The following CDH4 variants were observed in gnomAD, a reference collection of about 807,000 sequenced individuals.
CDH4 encodes the protein cadherin 4.
A neutral mutation model predicts 86.0 loss-of-function variants in CDH4; 33 were observed. That is an observed-to-expected ratio of 0.38 (90% CI 0.29 to 0.51). The LOEUF is 0.51. Among genes scored for constraint, CDH4 ranks in the 20% least tolerant of loss-of-function variants. The probability of loss-of-function intolerance (pLI) is 0.86; values close to 1 mark genes in which losing one functional copy is unlikely to be tolerated. For missense variants in CDH4, 1,114 were observed against 1,307.4 expected, an observed-to-expected ratio of 0.85 and a Z score of 2.28; for synonymous variants, 555 against 549.4, an observed-to-expected ratio of 1.01 and a Z score of -0.14.
chr20:61,814,538 A>G (rs949507517), intron 4 of CDH4, among the ~76,000 whole-genome samples: 2 of 152,240 alleles, frequency 1.3e-5, no homozygotes, highest in South Asian at 2.1e-4. Flanking sequence ...AAGAGATGGA[A>G]GGCAGAGCTC....
intron 2 of CDH4, among the ~76,000 whole-genome samples, chr20:61,376,418 G>A (rs1191771399): frequency 2.0e-5 from 3 of 152,122 alleles, no homozygotes; most frequent in African/African-American, 7.2e-5. Context: ...GGCCAGGCCT[G>A]GGAAGGGAGA....
chr20:61,291,916 G>GC (rs1254584380), intron 2 of CDH4, among the ~76,000 whole-genome samples: 3 of 151,690 alleles, frequency 2.0e-5, no homozygotes, highest in Admixed American at 1.3e-4. Flanking sequence ...TGCTCAAGTA[G>GC]CCCCCCGTGT....
chr20:61,300,884 G>A (rs886572805), intron 2 of CDH4, among the ~76,000 whole-genome samples: 1 of 152,174 alleles, frequency 6.6e-6, no homozygotes, highest in African/African-American at 2.4e-5. Context: ...CCTTCCTTTT[G>A]GAGCAGTTCA....
chr20:61,803,715 C>T (rs12480201), intron 4 of CDH4, among the ~76,000 whole-genome samples: 25,779 of 152,238 alleles, frequency 0.17, 2,498 homozygotes, highest in East Asian at 0.24. Flanking sequence ...AGGAAACGTT[C>T]AACTGTGTGC....
At position 61,553,112 on chromosome 20, in the gene CDH4, A is replaced by T. The variant is rs1430256576; in HGVS notation, c.170-190451A>T. ...GTGGAATATTCAGCCATATAAAGGA[A>T]TGAAGTCCGTATGCAAGCTACAACA... On this transcript the variant is annotated intron_variant, in intron 2 of 15. Transcript: ENST00000614565. Among the ~76,000 whole-genome samples the T allele has an allele frequency of 3.9e-5, 6 of 152,360 alleles. No homozygotes were observed. The East Asian group carries it at 9.6e-4, about 24-fold the overall frequency.
At chr20:61,859,052 G>A (rs1396628234) in intron 6 of CDH4, among the ~76,000 whole-genome samples, 4 of 152,192 alleles carry the variant, frequency 2.6e-5, no homozygotes, top group East Asian at 1.9e-4. Context: ...CCGGATTCTC[G>A]GCATCCTCAC....
intron 2 of CDH4, among the ~76,000 whole-genome samples, chr20:61,700,899 C>T (rs562534223): frequency 5.1e-4 from 78 of 152,332 alleles, no homozygotes; most frequent in African/African-American, 1.8e-3. Context: ...AAGGGAACGG[C>T]GGCTCCCCCC....
intron 2 of CDH4, among the ~76,000 whole-genome samples, chr20:61,329,897 G>GTTC (rs56995809): frequency 0.6 from 87,420 of 146,796 alleles, 25,992 homozygotes; most frequent in Middle Eastern, 0.75. Context: ...CTCCCTGTGA[G>GTTC]TCATTATTCA....
Position 61,883,514 on chromosome 20 carries a change from C to T in CDH4, c.1050+9614C>T, listed in dbSNP as rs151282373. Among the ~76,000 whole-genome samples the T allele has an allele frequency of 4.8e-3, 731 of 152,320 alleles. 6 individuals carry two copies. The highest frequency in any genetic ancestry group is 0.016 in the African/African-American group (684 of 41,566). On this transcript the variant is annotated intron_variant, in intron 7 of 15. Transcript: ENST00000614565. ...CCCACAGCAGAGAACGACCCAGCCC[C>T]AGGGCTGACAGTGCCCAATTTGGGA... is the stretch of plus-strand genomic sequence containing the variant.
At chr20:61,739,814 C>T (rs2088311457) in intron 2 of CDH4, among the ~76,000 whole-genome samples, 1 of 152,240 alleles carries the variant, frequency 6.6e-6, no homozygotes, top group African/African-American at 2.4e-5. Flanking sequence ...CACAGGACTC[C>T]AAGCGCCCAC....
chr20:61,463,848 G>A (rs2085458282), intron 2 of CDH4, among the ~76,000 whole-genome samples: 1 of 152,176 alleles, frequency 6.6e-6, no homozygotes, highest in African/African-American at 2.4e-5. Context: ...AAGGAAGGTG[G>A]TTTGTGATTA....
chr20:61,854,272 G>A (rs1196724546), intron 6 of CDH4, among the ~76,000 whole-genome samples: 1 of 152,196 alleles, frequency 6.6e-6, no homozygotes, highest in Non-Finnish European at 1.5e-5. Context: ...TCCCAGCTCT[G>A]GGACTGGAAG....
At chr20:61,702,641 A>G (rs1489700963) in intron 2 of CDH4, among the ~76,000 whole-genome samples, 1 of 152,156 alleles carries the variant, frequency 6.6e-6, no homozygotes, top group Non-Finnish European at 1.5e-5. Flanking sequence ...CACACTTTTT[A>G]ATTTATCTGT....
rs1469451500 is a variant in CDH4 at position 61,417,575 on chromosome 20, C to T, written c.169+162638C>T. ...TCAACAACTGTCATCCCTCCCTGGC[C>T]CTGTTTCTGGCTGGAATGCATTTCT... is the stretch of plus-strand genomic sequence containing the variant. On this transcript the variant is annotated intron_variant, in intron 2 of 15. Transcript: ENST00000614565. This position sits in a 1 kb window ranked among gnomAD's most constrained non-coding sequence, Gnocchi z 4.0. Among the ~76,000 whole-genome samples, 4 of 152,236 alleles carry T rather than the reference C, an allele frequency of 2.6e-5. No homozygotes were observed. The highest frequency in any genetic ancestry group is 7.2e-5 in the African/African-American group (3 of 41,476).
chr20:61,272,120 T>G (rs1402223955), intron 2 of CDH4, among the ~76,000 whole-genome samples: 1 of 152,194 alleles, frequency 6.6e-6, no homozygotes, highest in African/African-American at 2.4e-5. Flanking sequence ...CCAGGCCTCC[T>G]CCTCCTCCTC....
At chr20:61,351,077 C>T (rs990618905) in intron 2 of CDH4, among the ~76,000 whole-genome samples, 2 of 152,128 alleles carry the variant, frequency 1.3e-5, no homozygotes, top group Non-Finnish European at 2.9e-5. Context: ...GCCGCCCTCC[C>T]TCCATCCCCG....
At chr20:61,273,377 G>A (rs866615127) in intron 2 of CDH4, among the ~76,000 whole-genome samples, 29 of 121,016 alleles carry the variant, frequency 2.4e-4, no homozygotes, top group Middle Eastern at 0.014. Context: ...TGCAGTTTAG[G>A]GGAGTACCGT....
chr20:61,582,122 C>A lies in CDH4; in HGVS notation c.170-161441C>A, dbSNP rs951071149. ...TGCTCGTGGCCATCATTACCATTGG[C>A]GGCATGCTGCCCATGCCTTGTGTGT... On this transcript the variant is annotated intron_variant, in intron 2 of 15. Coordinates refer to ENST00000614565, the MANE Select transcript of CDH4 (RefSeq NM_001794.5). This position sits in a 1 kb window ranked among gnomAD's most constrained non-coding sequence, Gnocchi z 4.2. Among the ~76,000 whole-genome samples the A allele has an allele frequency of 6.6e-6, 1 of 152,206 alleles. No individual in the cohort carries two copies. The highest frequency in any genetic ancestry group is 1.5e-5 in the Non-Finnish European group (1 of 68,024).
intron 2 of CDH4, among the ~76,000 whole-genome samples, chr20:61,656,253 TGG>T (rs1322930564): frequency 9.3e-5 from 9 of 97,176 alleles, no homozygotes; most frequent in Non-Finnish European, 1.6e-4. Flanking sequence ...AGGCGCGTGC[TGG>T]GGTGGGCAGG....
Sources: allele counts gnomAD v4.1 joint callset (sites outside exome capture counted in the v4.1 genomes callset), GRCh38; gene constraint gnomAD v4.1.1; non-coding constraint Gnocchi (gnomAD v3.1); transcripts MANE v1.5; gene names NCBI Gene and HGNC (gene_info 2026-07-23, HGNC 2026-07-21).